Variants in ROBO1 observed in about 807,000 individuals in gnomAD.
The protein encoded by ROBO1 is roundabout homolog 1.
Under a neutral mutation model 195.9 loss-of-function variants are expected in ROBO1, and 149 were observed. That is an observed-to-expected ratio of 0.76 (90% CI 0.67 to 0.87). ROBO1 has a LOEUF of 0.87. Among genes scored for constraint, ROBO1 ranks in the 40% least tolerant of loss-of-function variants. The pLI is 0.00. For synonymous variants in ROBO1, 816 were observed against 733.2 expected, an observed-to-expected ratio of 1.11 and a Z score of -1.82; for missense variants, 1,933 against 2,068.3, an observed-to-expected ratio of 0.93 and a Z score of 1.27.
chr3:78,619,016 T>A (rs1213191845), intron 26 of ROBO1, among the ~76,000 whole-genome samples: 3 of 152,290 alleles, frequency 2.0e-5, no homozygotes, highest in South Asian at 4.2e-4. Context: ...AGGAGAATGC[T>A]AAGAGAATAA....
intron 2 of ROBO1, among the ~76,000 whole-genome samples, chr3:79,463,983 C>T (rs1937805439): frequency 6.6e-6 from 1 of 152,148 alleles, no homozygotes; most frequent in African/African-American, 2.4e-5. Context: ...CTTTCCATCT[C>T]TATAGATTTG....
intron 2 of ROBO1, among the ~76,000 whole-genome samples, chr3:79,410,024 C>T (rs976157123): frequency 6.6e-6 from 1 of 152,072 alleles, no homozygotes; most frequent in African/African-American, 2.4e-5. Flanking sequence ...GGATTTCCCA[C>T]AGCAGGATAG....
At chr3:79,449,470 A>C (rs2107186431) in intron 2 of ROBO1, among the ~76,000 whole-genome samples, 1 of 148,706 alleles carries the variant, frequency 6.7e-6, no homozygotes, top group African/African-American at 2.5e-5. Flanking sequence ...AAAAGAATAT[A>C]TTTATAGATA....
At chr3:78,918,835 A>T (rs1298717350) in intron 4 of ROBO1, among the ~76,000 whole-genome samples, 1 of 152,140 alleles carries the variant, frequency 6.6e-6, no homozygotes, top group Admixed American at 6.5e-5. Context: ...CCACAACCAT[A>T]AAGTGAGTAC....
intron 2 of ROBO1, among the ~76,000 whole-genome samples, chr3:79,418,709 T>C (rs2038105485): frequency 6.6e-6 from 1 of 152,120 alleles, no homozygotes; most frequent in African/African-American, 2.4e-5. Flanking sequence ...CATAGACGGA[T>C]AGATGAATTG....
chr3:79,419,590 T>C, intron 2 of ROBO1, among the ~76,000 whole-genome samples: 1 of 152,092 alleles, frequency 6.6e-6, no homozygotes, highest in South Asian at 2.1e-4. Context: ...GAATTCTAAG[T>C]CTAATTTACT....
chr3:78,685,020 T>C (rs1418059730), intron 10 of ROBO1, among the ~76,000 whole-genome samples: 1 of 152,154 alleles, frequency 6.6e-6, no homozygotes, highest in Non-Finnish European at 1.5e-5. Flanking sequence ...CCCTTGCCAC[T>C]GTCATGGCTT....
intron 14 of ROBO1, 130 bp from the exon 15 acceptor site, chr3:78,662,244 GAAAAA>G: frequency 5.7e-5 from 24 of 423,864 alleles, no homozygotes; most frequent in Admixed American, 9.0e-5. Context: ...CTGTGATTCG[GAAAAA>G]AAAAAAAAAA....
Position 78,904,879 on chromosome 3 carries a change from C to T in ROBO1, c.499+33722G>A, listed in dbSNP as rs2037810412. Among the ~76,000 whole-genome samples the T allele has an allele frequency of 2.6e-5, 4 of 151,840 alleles. No homozygotes were observed. The South Asian group carries it at 8.3e-4, about 31-fold the overall frequency. ...AGTGTGGTTATCTTTATTTATTCAA[C>T]AGTTCATTTTCTCAATTGTTAAACT... On this transcript the variant is annotated intron_variant, in intron 4 of 30. Coordinates refer to ENST00000464233, the MANE Select transcript of ROBO1 (RefSeq NM_002941.4).
intron 3 of ROBO1, among the ~76,000 whole-genome samples, chr3:79,093,497 A>C (rs1255178566): frequency 6.6e-6 from 1 of 152,142 alleles, no homozygotes; most frequent in Non-Finnish European, 1.5e-5. Context: ...TTGACAGTAC[A>C]TGACGAAAAC....
chr3:79,759,841 G>T (rs1704592918), intron 1 of ROBO1, among the ~76,000 whole-genome samples: 1 of 152,104 alleles, frequency 6.6e-6, no homozygotes, highest in Admixed American at 6.6e-5. Context: ...AAATGGCAGT[G>T]CTAGCCCACC....
At chr3:79,240,063 A>G (rs942781356) in intron 2 of ROBO1, among the ~76,000 whole-genome samples, 2 of 152,196 alleles carry the variant, frequency 1.3e-5, no homozygotes, top group Non-Finnish European at 2.9e-5. Context: ...GAGAATATTT[A>G]AAGCCTTTTA....
At chr3:79,765,953 G>A (rs1704961833) in intron 1 of ROBO1, among the ~76,000 whole-genome samples, 1 of 152,154 alleles carries the variant, frequency 6.6e-6, no homozygotes, top group Non-Finnish European at 1.5e-5. Context: ...ACAGCTTGAT[G>A]AAAATCACTT....
intron 1 of ROBO1, among the ~76,000 whole-genome samples, chr3:79,639,860 A>C (rs1475697071): frequency 6.6e-6 from 1 of 152,192 alleles, no homozygotes; most frequent in African/African-American, 2.4e-5. Context: ...TATTGAGGTA[A>C]TACCCTTTTT....
chr3:79,357,023 A>G (rs866117109), intron 2 of ROBO1, among the ~76,000 whole-genome samples: 3 of 152,184 alleles, frequency 2.0e-5, no homozygotes, highest in Non-Finnish European at 4.4e-5. Context: ...TCAGGGACTC[A>G]TGATAGTAAG....
At chr3:78,918,762 CAT>C (rs1209321094) in intron 4 of ROBO1, among the ~76,000 whole-genome samples, 2 of 151,862 alleles carry the variant, frequency 1.3e-5, no homozygotes, top group Non-Finnish European at 2.9e-5. Context: ...TACAAATATC[CAT>C]ATGTCCCACA....
chr3:79,067,032 T>TA (rs754423690), intron 3 of ROBO1, among the ~76,000 whole-genome samples: 1 of 151,832 alleles, frequency 6.6e-6, no homozygotes, highest in Non-Finnish European at 1.5e-5. Context: ...TAGATACCAT[T>TA]AAAAAAATGT....
chr3:79,502,504 C>T (rs1940142291), intron 2 of ROBO1, among the ~76,000 whole-genome samples: 1 of 152,128 alleles, frequency 6.6e-6, no homozygotes. Context: ...CGCCCCTTCC[C>T]CACCGCCATG....
intron 21 of ROBO1, among the ~76,000 whole-genome samples, chr3:78,641,572 T>A (rs1705957878): frequency 6.6e-6 from 1 of 152,204 alleles, no homozygotes; most frequent in African/African-American, 2.4e-5. Flanking sequence ...GTTATAGGAA[T>A]TCTGCATCTA....
Sources: gnomAD v4.1 joint callset for allele counts (sites outside exome capture counted in the v4.1 genomes callset) on GRCh38, gnomAD v4.1.1 for gene constraint, MANE v1.5 for transcripts, NCBI Gene and HGNC (gene_info 2026-07-23, HGNC 2026-07-21) for gene names.